P3H2: variants seen among roughly 807,000 people sequenced by gnomAD.
P3H2 encodes the protein leprecan-like 1.
Under a neutral mutation model 87.0 loss-of-function variants are expected in P3H2, and 80 were observed. That is an observed-to-expected ratio of 0.92 (90% confidence interval 0.77 to 1.11). P3H2 has a LOEUF of 1.11. P3H2 is among the 50% of genes least tolerant of loss of function. The pLI, the probability that P3H2 is intolerant of heterozygous loss-of-function variation, is 0.00. For synonymous variants in P3H2, 367 were observed against 359.3 expected (o/e 1.02, Z -0.24); for missense variants, 1,001 against 923.9 (o/e 1.08, Z -1.08).
At chr3:190,065,565 C>G (rs1160947745) in intron 1 of P3H2, among the ~76,000 whole-genome samples, 1 of 152,020 alleles carries the variant, frequency 6.6e-6, no homozygotes, top group Non-Finnish European at 1.5e-5. Flanking sequence ...TTCAGTACTG[C>G]TCCTATAGAA....
At chr3:190,070,747 C>T (rs968073092) in intron 1 of P3H2, among the ~76,000 whole-genome samples, 1 of 152,202 alleles carries the variant, frequency 6.6e-6, no homozygotes, top group Admixed American at 6.5e-5. Context: ...ACATTGTCTG[C>T]CTGAAACGGG....
intron 1 of P3H2, among the ~76,000 whole-genome samples, chr3:190,057,715 C>A (rs1019158570): frequency 6.6e-6 from 1 of 152,148 alleles, no homozygotes; most frequent in Non-Finnish European, 1.5e-5. Context: ...TTTTAGACAG[C>A]TTTATATTCA....
chr3:190,083,915 G>A (rs1286151390), intron 1 of P3H2, among the ~76,000 whole-genome samples: 1 of 152,148 alleles, frequency 6.6e-6, no homozygotes, highest in Non-Finnish European at 1.5e-5. Flanking sequence ...TTTTAAAAGG[G>A]TACGTGGATG....
At chr3:190,106,130 T>C (rs1711826619) in intron 1 of P3H2, among the ~76,000 whole-genome samples, 1 of 151,922 alleles carries the variant, frequency 6.6e-6, no homozygotes, top group African/African-American at 2.4e-5. Flanking sequence ...ACAGAGAAGA[T>C]TTGGAATGTG....
intron 1 of P3H2, among the ~76,000 whole-genome samples, chr3:190,046,176 G>A (rs546100615): frequency 3.4e-4 from 51 of 151,286 alleles, no homozygotes; most frequent in Non-Finnish European, 5.9e-4. Context: ...CCTGCCCTAA[G>A]GATTTCAGAC....
intron 1 of P3H2, among the ~76,000 whole-genome samples, chr3:190,039,552 T>C (rs9840040): frequency 0.014 from 2,188 of 152,246 alleles, 51 homozygotes; most frequent in African/African-American, 0.05. Context: ...TTTAAAAACA[T>C]GTGTTAAGCC....
chr3:190,047,706 T>C (rs922954805), intron 1 of P3H2, among the ~76,000 whole-genome samples: 1 of 152,128 alleles, frequency 6.6e-6, no homozygotes, highest in Non-Finnish European at 1.5e-5. Flanking sequence ...TTCTCACTCA[T>C]ATACAGGTGC....
chr3:189,994,626 G>C (rs1254938029), intron 2 of P3H2, among the ~76,000 whole-genome samples: 1 of 150,258 alleles, frequency 6.7e-6, no homozygotes, highest in East Asian at 2.0e-4. Context: ...GATGTGGGTG[G>C]AAGTGACATC....
At position 189,988,449 on chromosome 3, in the gene P3H2, T is replaced by C. The variant is rs551436380; in HGVS notation, c.955+458A>G. Among the ~76,000 whole-genome samples the C allele has an allele frequency of 4.1e-4, 62 of 152,016 alleles. 2 individuals are homozygous for C. The highest frequency in any genetic ancestry group is 3.9e-3 in the East Asian group (20 of 5,184). On this transcript the variant is annotated intron_variant, in intron 4 of 14. Transcript: ENST00000319332. The stretch of plus-strand genomic sequence containing the variant: ...AAATACATACACACACACACACACA[T>C]ATATATATACTCTGAGATGACTCTG...
intron 8 of P3H2, among the ~76,000 whole-genome samples, chr3:189,976,072 A>AT (rs1199828625): frequency 1.7e-5 from 2 of 117,510 alleles, no homozygotes; most frequent in Non-Finnish European, 3.7e-5. Context: ...GGTTAACGTT[A>AT]TTTTTCTGAA....
At chr3:190,110,166 G>A (rs1026929613) in intron 1 of P3H2, among the ~76,000 whole-genome samples, 5 of 152,194 alleles carry the variant, frequency 3.3e-5, no homozygotes, top group African/African-American at 1.2e-4. Context: ...CTTAAATATG[G>A]CTAAATGTTT....
At chr3:190,056,541 G>A (rs1208174197) in intron 1 of P3H2, among the ~76,000 whole-genome samples, 3 of 152,188 alleles carry the variant, frequency 2.0e-5, no homozygotes, top group East Asian at 1.9e-4. Flanking sequence ...TGTTTGATAG[G>A]TGGACTCTTT....
chr3:190,018,933 G>A (rs927811633), intron 1 of P3H2, among the ~76,000 whole-genome samples: 10 of 152,160 alleles, frequency 6.6e-5, no homozygotes, highest in South Asian at 4.2e-4. Flanking sequence ...TTCTTACACC[G>A]TAATGGCCCA....
chr3:189,998,847 T>C (rs1054783782), intron 1 of P3H2, among the ~76,000 whole-genome samples: 1 of 152,098 alleles, frequency 6.6e-6, no homozygotes, highest in Non-Finnish European at 1.5e-5. Context: ...GTTTCAGAAT[T>C]AAACTGTTCC....
At chr3:190,035,380 T>A (rs546652770) in intron 1 of P3H2, among the ~76,000 whole-genome samples, 1 of 152,306 alleles carries the variant, frequency 6.6e-6, no homozygotes, top group Non-Finnish European at 1.5e-5. Context: ...CTCAGTATAT[T>A]TGACAATTGA....
At chr3:190,028,518 G>A (rs1725152718) in intron 1 of P3H2, among the ~76,000 whole-genome samples, 1 of 152,142 alleles carries the variant, frequency 6.6e-6, no homozygotes, top group Admixed American at 6.5e-5. Context: ...CCATATCTGA[G>A]GGGCTCTCTC....
chr3:190,093,846 T>C (rs895492583), intron 1 of P3H2, among the ~76,000 whole-genome samples: 5 of 152,258 alleles, frequency 3.3e-5, no homozygotes, highest in African/African-American at 1.2e-4. Context: ...TAATCATTAA[T>C]GAAAATTTCA....
At position 190,066,158 on chromosome 3, in the gene P3H2, T is replaced by TATATATATATATACACAC. The variant is rs1256956930; in HGVS notation, c.480+54093_480+54094insGTGTGTATATATATATAT. On this transcript the variant is annotated intron_variant, in intron 1 of 14. Coordinates refer to ENST00000319332, the MANE Select transcript of P3H2 (RefSeq NM_018192.4). Reference sequence around the variant, plus strand: ...ACTGTGGTGTGTATATATATATATATACACACACACACACACACACATATA... The same window carrying TATATATATATATACACAC: ...ACTGTGGTGTGTATATATATATATATATATATATATATACACACACACACACACACACACACACATATA... Among the ~76,000 whole-genome samples, 166 of 134,594 alleles carry TATATATATATATACACAC rather than the reference T, an allele frequency of 1.2e-3. 1 individual carries two copies. Among genetic ancestry groups the TATATATATATATACACAC allele is most frequent in the African/African-American group, 4.8e-3 (156 of 32,204 alleles). 88.3% of individuals were successfully genotyped at this position (134,594 alleles called of 152,430 possible). A position where few individuals can be genotyped will look rare whatever the true frequency, so the allele number is the denominator to read the frequency against.
At chr3:190,072,426 GATGTTGAATTAGAGT>G (rs1726732944) in intron 1 of P3H2, among the ~76,000 whole-genome samples, 1 of 152,162 alleles carries the variant, frequency 6.6e-6, no homozygotes, top group African/African-American at 2.4e-5. Flanking sequence ...CTCGTCCACT[GATGTTGAATTAGAGT>G]ATTAAGTGGT....
Sources: allele counts gnomAD v4.1 joint callset (sites outside exome capture counted in the v4.1 genomes callset), GRCh38; gene constraint gnomAD v4.1.1; transcripts MANE v1.5; gene names NCBI Gene and HGNC (gene_info 2026-07-23, HGNC 2026-07-21).